The following PRDM16 variants were observed in gnomAD, a reference collection of about 807,000 sequenced individuals.
The protein encoded by PRDM16 is histone-lysine N-methyltransferase PRDM16.
PRDM16 carries 23 observed loss-of-function variants against 110.6 expected under a neutral mutation model. That is an observed-to-expected ratio of 0.21 (90% CI 0.15 to 0.29). The LOEUF is 0.29. PRDM16 is among the 10% of genes least tolerant of loss of function. The probability of loss-of-function intolerance (pLI) is 1.00; values close to 1 mark genes in which losing one functional copy is unlikely to be tolerated. For missense variants in PRDM16, 1,615 were observed against 1,794.3 expected, an observed-to-expected ratio of 0.90 and a Z score of 1.81; for synonymous variants, 799 against 781.8, an observed-to-expected ratio of 1.02 and a Z score of -0.37.
intron 1 of PRDM16, among the ~76,000 whole-genome samples, chr1:3,114,339 C>T (rs369324113): frequency 1.8e-4 from 26 of 145,398 alleles, no homozygotes; most frequent in South Asian, 6.6e-4. Context: ...TAAACAGACG[C>T]GCACGCATGC....
chr1:3,389,634 T>C (rs1643263504), intron 4 of PRDM16, among the ~76,000 whole-genome samples: 1 of 152,134 alleles, frequency 6.6e-6, no homozygotes, highest in African/African-American at 2.4e-5. Flanking sequence ...AAAGGGGACT[T>C]GTGGTTTTCT....
chr1:3,415,490 G>A (rs1330248832), intron 10 of PRDM16, among the ~76,000 whole-genome samples: 2 of 152,386 alleles, frequency 1.3e-5, no homozygotes, highest in South Asian at 4.1e-4. Flanking sequence ...TGAGTTCACA[G>A]CTAAACTTAG....
intron 2 of PRDM16, among the ~76,000 whole-genome samples, chr1:3,235,000 G>C (rs1394324657): frequency 6.6e-6 from 1 of 152,214 alleles, no homozygotes. Flanking sequence ...GTTGGGTCAA[G>C]GTCACCTGCC....
At position 3,181,046 on chromosome 1, in the gene PRDM16, G is replaced by A. The variant is rs938860962; in HGVS notation, c.38-5079G>A. Reference sequence around the variant, plus strand: ...CGGTCTTACACGCGGTCTTACACACGCAGTCTTACACGCGGTCTTACACAC... The same window carrying A: ...CGGTCTTACACGCGGTCTTACACACACAGTCTTACACGCGGTCTTACACAC... On this transcript the variant is annotated intron_variant, in intron 1 of 16. Coordinates refer to ENST00000270722, the MANE Select transcript of PRDM16 (RefSeq NM_022114.4). Among the ~76,000 whole-genome samples, 8 of 142,884 alleles carry A rather than the reference G, an allele frequency of 5.6e-5. No individual in the cohort carries two copies. In the South Asian group the frequency reaches 8.9e-4, roughly 16 times the overall value. 93.7% of individuals were successfully genotyped at this position (142,884 alleles called of 152,430 possible). A position where few individuals can be genotyped will look rare whatever the true frequency, so the allele number is the denominator to read the frequency against.
chr1:3,310,653 C>CTCTGG (rs1204000676), intron 3 of PRDM16, among the ~76,000 whole-genome samples: 2 of 152,220 alleles, frequency 1.3e-5, no homozygotes, highest in African/African-American at 4.8e-5. Context: ...CCAGGGCCTC[C>CTCTGG]TCTGGCCTCC....
At position 3,425,866 on chromosome 1, in the gene PRDM16, C is replaced by CACAGG; in HGVS notation, c.3109+116_3109+117insACAGG. 7.3e-7 allele frequency: 1 copy of CACAGG among 1,366,080 alleles called. No homozygotes were observed. Among genetic ancestry groups the CACAGG allele is most frequent in the Non-Finnish European group, 1.0e-6 (1 of 995,418 alleles). 84.6% of individuals were successfully genotyped at this position (1,366,080 alleles called of 1,614,324 possible). A position where few individuals can be genotyped will look rare whatever the true frequency, so the allele number is the denominator to read the frequency against. ...GGCAGGGAAGAGGGCCACAGACTAC[C>CACAGG]CCTCAGGAAGCCAACAGGCACCCCT... is the stretch of plus-strand genomic sequence containing the variant. On this transcript the variant is annotated intron_variant, in intron 13 of 16. Transcript: ENST00000270722. This position sits in a 1 kb window ranked among gnomAD's most constrained non-coding sequence, Gnocchi z 6.9.
chr1:3,311,559 C>G (rs1641461522), intron 3 of PRDM16, among the ~76,000 whole-genome samples: 1 of 152,304 alleles, frequency 6.6e-6, no homozygotes, highest in South Asian at 2.1e-4. Flanking sequence ...AACCAGCCAG[C>G]GTGGTACGAC....
At position 3,157,045 on chromosome 1, in the gene PRDM16, G is replaced by C. The variant is rs924027792; in HGVS notation, c.38-29080G>C. Among the ~76,000 whole-genome samples the C allele has an allele frequency of 6.6e-6, 1 of 152,202 alleles. No homozygotes were observed. Among genetic ancestry groups the C allele is most frequent in the African/African-American group, 2.4e-5 (1 of 41,452 alleles). Reference sequence around the variant, plus strand: ...TAGAGGCTGGGCTGGGGCTGAGCACGAGGGCCAAGAGGTGACCGCCGGCCA... The same window carrying C: ...TAGAGGCTGGGCTGGGGCTGAGCACCAGGGCCAAGAGGTGACCGCCGGCCA... On this transcript the variant is annotated intron_variant, in intron 1 of 16. Coordinates refer to ENST00000270722, the MANE Select transcript of PRDM16 (RefSeq NM_022114.4). This position sits in a 1 kb window ranked among gnomAD's most constrained non-coding sequence, Gnocchi z 4.8.
At chr1:3,298,628 C>G (rs888555765) in intron 3 of PRDM16, among the ~76,000 whole-genome samples, 15 of 152,132 alleles carry the variant, frequency 9.9e-5, no homozygotes, top group African/African-American at 2.7e-4. Context: ...AGACACCCTT[C>G]CAGTCTTAGC....
chr1:3,299,237 CCG>C (rs1330351526), intron 3 of PRDM16, among the ~76,000 whole-genome samples: 8 of 151,310 alleles, frequency 5.3e-5, no homozygotes, highest in Non-Finnish European at 7.4e-5. Context: ...CGTGCTGTGG[CCG>C]TGATGTTTCA....
intron 4 of PRDM16, among the ~76,000 whole-genome samples, chr1:3,386,496 C>T (rs1643201750): frequency 6.6e-6 from 1 of 152,190 alleles, no homozygotes; most frequent in South Asian, 2.1e-4. Flanking sequence ...CTCCGCTGGA[C>T]AAGCTCGTTC....
At chr1:3,292,042 G>A (rs72632161) in intron 3 of PRDM16, among the ~76,000 whole-genome samples, 4,173 of 152,186 alleles carry the variant, frequency 0.027, 79 homozygotes, top group Middle Eastern at 0.072. Flanking sequence ...GCAGGACCCC[G>A]CAGGAAGGTG....
chr1:3,162,282 C>T (rs1480498085), intron 1 of PRDM16, among the ~76,000 whole-genome samples: 1 of 152,080 alleles, frequency 6.6e-6, no homozygotes, highest in Non-Finnish European at 1.5e-5. Context: ...TCCCGAGTCC[C>T]GGGACTTTCT....
At chr1:3,344,698 TC>T (rs1642330146) in intron 3 of PRDM16, among the ~76,000 whole-genome samples, 1 of 152,226 alleles carries the variant, frequency 6.6e-6, no homozygotes, top group Non-Finnish European at 1.5e-5. Context: ...AGAGTTTCAA[TC>T]ACTAGGTGCT....
At position 3,226,153 on chromosome 1, in the gene PRDM16, A is replaced by G. The variant is rs1157962039; in HGVS notation, c.388-17934A>G. On this transcript the variant is annotated intron_variant, in intron 2 of 16. Coordinates refer to ENST00000270722, the MANE Select transcript of PRDM16 (RefSeq NM_022114.4). ...GCTGGGAGCAGCTATCCCTGAAGCC[A>G]ACCCACTTCCTTCCTGTTCAGAGCT... 5.9e-5 allele frequency among the ~76,000 whole-genome samples: 9 copies of G among 152,376 alleles called. No individual in the cohort carries two copies. In the East Asian group the frequency reaches 1.7e-3, roughly 29 times the overall value.
Position 3,431,029 on chromosome 1 carries a change from G to T in PRDM16, c.3442G>T (p.Glu1148Ter). 1 of 1,570,020 alleles carries T rather than the reference G, an allele frequency of 6.4e-7. No homozygotes were observed. The highest frequency in any genetic ancestry group is 2.4e-5 in the East Asian group (1 of 42,168). ...SQDDTVSPAP[E>*]PQAAYEDEED... The stretch of plus-strand genomic sequence containing the variant: ...GGATGACACCGTGTCCCCCGCACCC[G>T]AGCCCCAGGCCGCCTACGAGGATGA... The change falls in exon 15 of 17, where the codon GAG becomes TAG. Residue 1148 changes from glutamate to a stop codon, truncating the protein, a stop_gained. Coordinates refer to ENST00000270722, the MANE Select transcript of PRDM16 (RefSeq NM_022114.4). LOFTEE classifies it high-confidence loss of function.
At chr1:3,423,164 G>A (rs971029938) in intron 12 of PRDM16, among the ~76,000 whole-genome samples, 1 of 152,202 alleles carries the variant, frequency 6.6e-6, no homozygotes, top group Non-Finnish European at 1.5e-5. Flanking sequence ...TCGGCCAGGC[G>A]TGGGAGAGGA....
At chr1:3,090,455 G>C (rs2981877) in intron 1 of PRDM16, among the ~76,000 whole-genome samples, 1 of 152,166 alleles carries the variant, frequency 6.6e-6, no homozygotes, top group African/African-American at 2.4e-5. Flanking sequence ...CACACAGGCC[G>C]GGCGACTGGC....
chr1:3,374,797 C>T (rs1223647539), intron 3 of PRDM16, among the ~76,000 whole-genome samples: 1 of 152,236 alleles, frequency 6.6e-6, no homozygotes, highest in East Asian at 1.9e-4. Context: ...TCCAGAGGGC[C>T]AGAGGTGCTT....
Sources: allele counts gnomAD v4.1 joint callset (sites outside exome capture counted in the v4.1 genomes callset), GRCh38; gene constraint gnomAD v4.1.1; non-coding constraint Gnocchi (gnomAD v3.1); transcripts MANE v1.5; gene names NCBI Gene and HGNC (gene_info 2026-07-23, HGNC 2026-07-21).